Variants in ADAMTS19 observed in about 807,000 individuals in gnomAD.
ADAMTS19 encodes ADAM metallopeptidase with thrombospondin type 1 motif 19.
Under a neutral mutation model 153.3 loss-of-function variants are expected in ADAMTS19, and 93 were observed. The observed-to-expected ratio is 0.61, with a 90% CI of 0.51 to 0.72. The LOEUF (loss-of-function observed/expected upper bound fraction) is 0.72. ADAMTS19 is among the 30% of genes least tolerant of loss of function. ADAMTS19 has a pLI of 0.00. For synonymous variants in ADAMTS19, 600 were observed against 556.6 expected, an observed-to-expected ratio of 1.08 and a Z score of -1.10; for missense variants, 1,482 against 1,552.1, an observed-to-expected ratio of 0.95 and a Z score of 0.76.
chr5:129,669,698 T>C (rs1167484446), intron 16 of ADAMTS19, among the ~76,000 whole-genome samples: 1 of 152,120 alleles, frequency 6.6e-6, no homozygotes, highest in Non-Finnish European at 1.5e-5. Context: ...TTTTTTAATA[T>C]AAGAGTTTAT....
intron 6 of ADAMTS19, among the ~76,000 whole-genome samples, chr5:129,542,495 G>T (rs1581062459): frequency 6.6e-6 from 1 of 152,166 alleles, no homozygotes; most frequent in Non-Finnish European, 1.5e-5. Flanking sequence ...GGGAATAAAT[G>T]TTCTGATTGA....
intron 7 of ADAMTS19, 133 bp downstream of exon 7, chr5:129,552,040 C>A: frequency 1.8e-6 from 1 of 554,118 alleles, no homozygotes; most frequent in Non-Finnish European, 3.1e-6. Context: ...TATTTTCTAC[C>A]TATATGTTTA....
intron 21 of ADAMTS19, among the ~76,000 whole-genome samples, chr5:129,706,854 A>G (rs17839587): frequency 0.054 from 8,218 of 152,170 alleles, 737 homozygotes; most frequent in African/African-American, 0.19. Context: ...GGGAACACTG[A>G]TTGTGGTTTT....
chr5:129,615,144 T>C (rs1751447819), intron 8 of ADAMTS19, among the ~76,000 whole-genome samples: 1 of 152,032 alleles, frequency 6.6e-6, no homozygotes, highest in Non-Finnish European at 1.5e-5. Context: ...GCCATCCCCA[T>C]CAAGCTACCA....
At chr5:129,624,206 A>T (rs909759889) in intron 10 of ADAMTS19, among the ~76,000 whole-genome samples, 2 of 148,388 alleles carry the variant, frequency 1.3e-5, no homozygotes, top group African/African-American at 5.0e-5. Context: ...TGTAATTGTG[A>T]TCTAATTCCA....
intron 2 of ADAMTS19, among the ~76,000 whole-genome samples, chr5:129,484,327 T>C (rs775838238): frequency 7.2e-5 from 11 of 152,214 alleles, no homozygotes; most frequent in Non-Finnish European, 1.2e-4. Flanking sequence ...CTGCACATCA[T>C]GTTGAAGCCC....
chr5:129,525,160 C>T (rs1461840014), intron 3 of ADAMTS19, among the ~76,000 whole-genome samples: 1 of 152,044 alleles, frequency 6.6e-6, no homozygotes, highest in Non-Finnish European at 1.5e-5. Context: ...TTTCTGATGG[C>T]TGTATGTTTT....
chr5:129,677,507 G>A lies in ADAMTS19; in HGVS notation c.2507-2257G>A, dbSNP rs532474193. On this transcript the variant is annotated intron_variant, in intron 16 of 22. Coordinates refer to ENST00000274487, the MANE Select transcript of ADAMTS19 (RefSeq NM_133638.6). Reference sequence around the variant, plus strand: ...AAAAAAAAAGTTAACTTCTGATATTGCTCCTCAACTATGTTCTTTTGACAG... The same window carrying A: ...AAAAAAAAAGTTAACTTCTGATATTACTCCTCAACTATGTTCTTTTGACAG... Among the ~76,000 whole-genome samples, 43 of 151,682 alleles carry A rather than the reference G, an allele frequency of 2.8e-4. No homozygotes were observed. The South Asian group carries it at 4.8e-3, about 17-fold the overall frequency.
intron 21 of ADAMTS19, among the ~76,000 whole-genome samples, chr5:129,725,312 C>G (rs1231984142): frequency 6.6e-6 from 1 of 152,118 alleles, no homozygotes; most frequent in Admixed American, 6.5e-5. Context: ...CTGGGGTCTT[C>G]CATTCCTTCT....
At chr5:129,470,187 A>G (rs760449215) in intron 2 of ADAMTS19, among the ~76,000 whole-genome samples, 18 of 152,206 alleles carry the variant, frequency 1.2e-4, no homozygotes, top group Non-Finnish European at 8.8e-5. Flanking sequence ...GTATTCTTTT[A>G]AATAACAAAA....
At chr5:129,652,204 C>T (rs553905429) in intron 13 of ADAMTS19, among the ~76,000 whole-genome samples, 1 of 152,304 alleles carries the variant, frequency 6.6e-6, no homozygotes. Flanking sequence ...ACGTATCAAT[C>T]AAACTCATCA....
At chr5:129,468,446 C>A (rs571278325) in intron 2 of ADAMTS19, among the ~76,000 whole-genome samples, 1 of 152,080 alleles carries the variant, frequency 6.6e-6, no homozygotes, top group East Asian at 1.9e-4. Context: ...TTCTGCCTCC[C>A]GGGTTCAAGC....
intron 10 of ADAMTS19, 39 bp downstream of exon 10, chr5:129,622,387 G>T (rs757189496): frequency 3.7e-6 from 6 of 1,608,850 alleles, no homozygotes; most frequent in African/African-American, 1.3e-5. Context: ...TTCATTCATT[G>T]TTTAGAAGTA....
At chr5:129,557,589 G>A (rs1039258416) in intron 7 of ADAMTS19, among the ~76,000 whole-genome samples, 30 of 151,982 alleles carry the variant, frequency 2.0e-4, no homozygotes, top group African/African-American at 6.3e-4. Context: ...ACAGAGTGAG[G>A]CCCTGTCTCA....
Position 129,607,372 on chromosome 5 carries a change from AT to A in ADAMTS19, c.1478+10715del, listed in dbSNP as rs376057699. Among the ~76,000 whole-genome samples the A allele has an allele frequency of 7.2e-5, 11 of 152,248 alleles. No individual in the cohort carries two copies. In the East Asian group the frequency reaches 1.5e-3, roughly 21 times the overall value. On this transcript the variant is annotated intron_variant, in intron 8 of 22. Coordinates refer to ENST00000274487, the MANE Select transcript of ADAMTS19 (RefSeq NM_133638.6). ...TGAAAATATGATTCATGTCTAATAC[AT>A]TTTTTTCACAGCACGAAGTTGAATG... is the stretch of plus-strand genomic sequence containing the variant.
intron 8 of ADAMTS19, among the ~76,000 whole-genome samples, chr5:129,615,585 C>T (rs2126965911): frequency 6.6e-6 from 1 of 151,946 alleles, no homozygotes; most frequent in Non-Finnish European, 1.5e-5. Flanking sequence ...TTTGCCAGGG[C>T]AAATGAAAAG....
chr5:129,587,651 C>T (rs1474865247), intron 7 of ADAMTS19, among the ~76,000 whole-genome samples: 1 of 152,092 alleles, frequency 6.6e-6, no homozygotes, highest in Non-Finnish European at 1.5e-5. Context: ...TTTAAAATAC[C>T]ATTCCATGCC....
At chr5:129,498,068 G>A (rs1750982863) in intron 2 of ADAMTS19, among the ~76,000 whole-genome samples, 1 of 151,934 alleles carries the variant, frequency 6.6e-6, no homozygotes, top group African/African-American at 2.4e-5. Context: ...TGTTTTTGCT[G>A]CCATCATTGT....
At chr5:129,729,886 T>C (rs1266625057) in intron 21 of ADAMTS19, among the ~76,000 whole-genome samples, 1 of 152,090 alleles carries the variant, frequency 6.6e-6, no homozygotes, top group African/African-American at 2.4e-5. Flanking sequence ...GAATAGTCTG[T>C]GACTAATTAT....
Sources: allele counts gnomAD v4.1 joint callset (sites outside exome capture counted in the v4.1 genomes callset), GRCh38; gene constraint gnomAD v4.1.1; transcripts MANE v1.5; gene names NCBI Gene and HGNC (gene_info 2026-07-23, HGNC 2026-07-21).